Variants in CDH18 observed in about 807,000 individuals in gnomAD.
CDH18 encodes the protein cadherin-18.
In CDH18, 31 loss-of-function variants were observed where a neutral mutation model predicts 67.9. The ratio of observed to expected loss-of-function variants is 0.46; its 90% confidence interval spans 0.34 to 0.62. The LOEUF is 0.62. Ranked by LOEUF, CDH18 falls within the 20% of genes least tolerant of loss-of-function variation. The pLI is 0.01. For missense variants in CDH18, 890 were observed against 975.5 expected (o/e 0.91, Z 1.17); for synonymous variants, 362 against 347.2 (o/e 1.04, Z -0.48).
At chr5:20,048,575 C>T (rs1033729161) in intron 2 of CDH18, among the ~76,000 whole-genome samples, 11 of 151,532 alleles carry the variant, frequency 7.3e-5, no homozygotes, top group African/African-American at 2.7e-4. Flanking sequence ...TTTCAAGTAA[C>T]TTGGTGAGAA....
At chr5:20,414,567 C>T (rs1217116290) in intron 1 of CDH18, among the ~76,000 whole-genome samples, 1 of 152,122 alleles carries the variant, frequency 6.6e-6, no homozygotes, top group Non-Finnish European at 1.5e-5. Flanking sequence ...CCCAGCATTA[C>T]ACAATATATC....
intron 2 of CDH18, among the ~76,000 whole-genome samples, chr5:19,850,761 T>G (rs1011005243): frequency 6.6e-6 from 1 of 151,862 alleles, no homozygotes; most frequent in Non-Finnish European, 1.5e-5. Flanking sequence ...TTTGAGATAT[T>G]AATAGAATGA....
At chr5:20,574,174 A>C (rs998678913) in intron 1 of CDH18, among the ~76,000 whole-genome samples, 15 of 151,692 alleles carry the variant, frequency 9.9e-5, no homozygotes, top group African/African-American at 3.6e-4. Context: ...TCTCGCATTT[A>C]GAAGACAAAA....
intron 3 of CDH18, among the ~76,000 whole-genome samples, chr5:19,747,568 G>A (rs1035796976): frequency 1.3e-5 from 2 of 151,960 alleles, no homozygotes; most frequent in East Asian, 1.9e-4. Context: ...TAAATTCCCA[G>A]TAGATTATTG....
chr5:19,971,595 G>A (rs1195039109), intron 2 of CDH18, among the ~76,000 whole-genome samples: 2 of 151,950 alleles, frequency 1.3e-5, no homozygotes, highest in Non-Finnish European at 2.9e-5. Context: ...CCTACTATAT[G>A]AAAGCCAAAT....
intron 1 of CDH18, among the ~76,000 whole-genome samples, chr5:20,308,425 C>G (rs923178022): frequency 6.6e-6 from 1 of 151,844 alleles, no homozygotes; most frequent in East Asian, 1.9e-4. Context: ...TGCCTGTACT[C>G]CCAGCTACTT....
intron 2 of CDH18, among the ~76,000 whole-genome samples, chr5:20,101,031 C>T (rs191585807): frequency 3.1e-3 from 467 of 152,212 alleles, no homozygotes; most frequent in Admixed American, 7.4e-3. Context: ...TAGCTCACAG[C>T]AGCCTCAACC....
intron 1 of CDH18, among the ~76,000 whole-genome samples, chr5:20,408,802 A>G (rs1488729323): frequency 6.6e-6 from 1 of 151,848 alleles, no homozygotes; most frequent in Non-Finnish European, 1.5e-5. Context: ...ACAGACCAAT[A>G]AATAACAATA....
chr5:19,480,627 T>C (rs1250466698), intron 12 of CDH18, among the ~76,000 whole-genome samples: 1 of 152,166 alleles, frequency 6.6e-6, no homozygotes, highest in Non-Finnish European at 1.5e-5. Context: ...TGCGCCCACC[T>C]CAGCCTCCCA....
intron 4 of CDH18, among the ~76,000 whole-genome samples, chr5:19,738,278 C>T (rs1768628208): frequency 6.6e-6 from 1 of 152,024 alleles, no homozygotes; most frequent in Non-Finnish European, 1.5e-5. Context: ...GCCAAGGTTG[C>T]TCTAAGATCA....
intron 2 of CDH18, among the ~76,000 whole-genome samples, chr5:20,035,303 T>G (rs1166200237): frequency 6.6e-6 from 1 of 152,072 alleles, no homozygotes; most frequent in African/African-American, 2.4e-5. Context: ...TTACAATTAT[T>G]TATTTTAATA....
intron 2 of CDH18, among the ~76,000 whole-genome samples, chr5:20,076,643 T>C (rs1441809530): frequency 6.6e-6 from 1 of 152,158 alleles, no homozygotes; most frequent in Admixed American, 6.5e-5. Context: ...GTACATATGT[T>C]GGGTTTTCTC....
At chr5:20,099,917 G>A (rs1430087655) in intron 2 of CDH18, among the ~76,000 whole-genome samples, 1 of 152,024 alleles carries the variant, frequency 6.6e-6, no homozygotes, top group Non-Finnish European at 1.5e-5. Flanking sequence ...CCAAGTAGCT[G>A]GGATTATAGC....
rs1234773270 is a variant in CDH18 at position 20,420,984 on chromosome 5, T to A, written c.-580+154478A>T. On this transcript the variant is annotated intron_variant, in intron 1 of 14. Transcript: ENST00000507958. Reference sequence around the variant, plus strand: ...TTCCTAAAAATTCCTGTTTGTTTTTTCCTGCTTTAATAAGGCTTGATTGTT... The same window carrying A: ...TTCCTAAAAATTCCTGTTTGTTTTTACCTGCTTTAATAAGGCTTGATTGTT... 2.6e-5 allele frequency among the ~76,000 whole-genome samples: 4 copies of A among 151,364 alleles called. 1 individual carries two copies.
At chr5:20,110,586 A>C (rs140813600) in intron 2 of CDH18, among the ~76,000 whole-genome samples, 2,409 of 152,298 alleles carry the variant, frequency 0.016, 35 homozygotes, top group Non-Finnish European at 0.026. Flanking sequence ...TGTGAGGCTG[A>C]GGCAGGAGAA....
chr5:19,878,941 C>G (rs527569661), intron 2 of CDH18, among the ~76,000 whole-genome samples: 1 of 151,980 alleles, frequency 6.6e-6, no homozygotes, highest in African/African-American at 2.4e-5. Flanking sequence ...TCAAGGAGAT[C>G]AAATAGAAGC....
At chr5:20,177,276 C>T (rs974385961) in intron 2 of CDH18, among the ~76,000 whole-genome samples, 3 of 152,068 alleles carry the variant, frequency 2.0e-5, no homozygotes, top group Non-Finnish European at 4.4e-5. Flanking sequence ...TGGAAGTACA[C>T]ACTGGGCATA....
intron 2 of CDH18, among the ~76,000 whole-genome samples, chr5:20,002,963 A>C (rs2150403163): frequency 6.6e-6 from 1 of 152,068 alleles, no homozygotes; most frequent in South Asian, 2.1e-4. Flanking sequence ...ACCAACCAAA[A>C]AAAAAAAAAA....
At chr5:19,718,606 T>C (rs1003356768) in intron 5 of CDH18, among the ~76,000 whole-genome samples, 2 of 151,956 alleles carry the variant, frequency 1.3e-5, no homozygotes, top group Non-Finnish European at 2.9e-5. Context: ...CTTAGCACTT[T>C]CTACTGATAA....
Sources: allele counts gnomAD v4.1 joint callset (sites outside exome capture counted in the v4.1 genomes callset), GRCh38; gene constraint gnomAD v4.1.1; transcripts MANE v1.5; gene names NCBI Gene and HGNC (gene_info 2026-07-23, HGNC 2026-07-21).